Variants in FAM13A observed in about 807,000 individuals in gnomAD.
FAM13A encodes protein FAM13A.
Under a neutral mutation model 129.6 loss-of-function variants are expected in FAM13A, and 76 were observed. The observed-to-expected ratio is 0.59, with a 90% CI of 0.49 to 0.71. The LOEUF (loss-of-function observed/expected upper bound fraction) is 0.71, where lower values mean the gene tolerates loss of function less well. Among genes scored for constraint, FAM13A ranks in the 30% least tolerant of loss-of-function variants. The pLI, the probability that FAM13A is intolerant of heterozygous loss-of-function variation, is 0.00. For synonymous variants in FAM13A, 443 were observed against 449.9 expected (o/e 0.98, Z 0.20); for missense variants, 1,108 against 1,249.3 (o/e 0.89, Z 1.70).
chr4:88,773,030 G>C (rs909703783), intron 11 of FAM13A, among the ~76,000 whole-genome samples: 1 of 152,208 alleles, frequency 6.6e-6, no homozygotes, highest in African/African-American at 2.4e-5. Flanking sequence ...TTATGCAAAG[G>C]AGGCAGTGGG....
At chr4:88,946,014 ATATATATATG>A (rs1303497289) in intron 4 of FAM13A, among the ~76,000 whole-genome samples, 2 of 126,546 alleles carry the variant, frequency 1.6e-5, no homozygotes, top group Admixed American at 8.2e-5. Flanking sequence ...ATATATATAT[ATATATATATG>A]TAATCCAAAT....
At chr4:88,793,465 A>G (rs997756571) in intron 8 of FAM13A, among the ~76,000 whole-genome samples, 4 of 151,988 alleles carry the variant, frequency 2.6e-5, no homozygotes, top group African/African-American at 9.7e-5. Flanking sequence ...AGTCCTTTGG[A>G]ATTTCTGGTA....
At chr4:88,741,808 C>G (rs1740323359) in intron 19 of FAM13A, among the ~76,000 whole-genome samples, 1 of 152,134 alleles carries the variant, frequency 6.6e-6, no homozygotes, top group South Asian at 2.1e-4. Flanking sequence ...AATCCAAAAT[C>G]TGAAACACTT....
intron 5 of FAM13A, among the ~76,000 whole-genome samples, chr4:88,915,144 G>A (rs536570157): frequency 6.6e-6 from 1 of 152,262 alleles, no homozygotes; most frequent in South Asian, 2.1e-4. Context: ...GTGCTACTTT[G>A]CACATAACCA....
At chr4:89,039,684 G>A (rs551631353) in intron 1 of FAM13A, among the ~76,000 whole-genome samples, 1 of 152,206 alleles carries the variant, frequency 6.6e-6, no homozygotes, top group South Asian at 2.1e-4. Context: ...ATCACTTGAG[G>A]CAAGGAGTTT....
chr4:89,042,945 A>C (rs1419559847), intron 1 of FAM13A, among the ~76,000 whole-genome samples: 10 of 152,350 alleles, frequency 6.6e-5, no homozygotes, highest in African/African-American at 2.2e-4. Context: ...AATCCAATAA[A>C]AATGTTGTGT....
At chr4:88,987,414 C>CATTG in intron 4 of FAM13A, among the ~76,000 whole-genome samples, 1 of 152,174 alleles carries the variant, frequency 6.6e-6, no homozygotes, top group East Asian at 1.9e-4. Context: ...ATGCCACAGC[C>CATTG]TTACAATACA....
chr4:89,009,775 C>A (rs1424167955), intron 3 of FAM13A, among the ~76,000 whole-genome samples: 1 of 152,084 alleles, frequency 6.6e-6, no homozygotes, highest in Admixed American at 6.5e-5. Flanking sequence ...GTTGACAAAC[C>A]AGTCCAGGGA....
chr4:88,868,346 C>T (rs889782727), intron 6 of FAM13A, among the ~76,000 whole-genome samples: 1 of 152,188 alleles, frequency 6.6e-6, no homozygotes, highest in African/African-American at 2.4e-5. Flanking sequence ...ACGAACCATC[C>T]ACCCACTTGG....
At chr4:88,879,776 C>A (rs994692844) in intron 6 of FAM13A, among the ~76,000 whole-genome samples, 1 of 152,192 alleles carries the variant, frequency 6.6e-6, no homozygotes, top group African/African-American at 2.4e-5. Context: ...GCTGCTCTGT[C>A]AGGCCAGGTG....
At chr4:88,750,100 A>G (rs1040523759) in intron 15 of FAM13A, among the ~76,000 whole-genome samples, 191 bp from the exon 16 acceptor site, 4 of 152,172 alleles carry the variant, frequency 2.6e-5, no homozygotes, top group Non-Finnish European at 5.9e-5. Context: ...CCCACCTATT[A>G]AGTACATCTA....
chr4:88,755,111 A>G (rs1429527433), intron 14 of FAM13A, among the ~76,000 whole-genome samples: 1 of 152,170 alleles, frequency 6.6e-6, no homozygotes, highest in Non-Finnish European at 1.5e-5. Context: ...AGTATTAATA[A>G]TATCAAAGAA....
At chr4:89,044,828 C>T (rs1458048941) in intron 1 of FAM13A, among the ~76,000 whole-genome samples, 1 of 151,800 alleles carries the variant, frequency 6.6e-6, no homozygotes, top group East Asian at 1.9e-4. Context: ...CACAAAAAGA[C>T]AAAAATTGTC....
chr4:88,834,575 TAAG>T (rs1734492365), intron 7 of FAM13A, among the ~76,000 whole-genome samples: 1 of 152,090 alleles, frequency 6.6e-6, no homozygotes, highest in East Asian at 1.9e-4. Flanking sequence ...ATAAAAATAC[TAAG>T]TAGAAAAAAA....
At chr4:88,936,175 C>T (rs1753817892) in intron 5 of FAM13A, 1 of 152,212 alleles carries the variant, frequency 6.6e-6, no homozygotes, top group African/African-American at 2.4e-5. Flanking sequence ...GATTTCCAAG[C>T]AGGGCACTCT....
At chr4:88,909,552 T>C (rs749470047) in intron 5 of FAM13A, among the ~76,000 whole-genome samples, 12 of 151,942 alleles carry the variant, frequency 7.9e-5, no homozygotes, top group Non-Finnish European at 1.5e-4. Context: ...AGTGGCGTGA[T>C]CTTGGCTCAC....
intron 6 of FAM13A, among the ~76,000 whole-genome samples, chr4:88,900,017 T>C (rs1747025495): frequency 6.6e-6 from 1 of 151,706 alleles, no homozygotes; most frequent in Non-Finnish European, 1.5e-5. Context: ...ATAGACCAAG[T>C]GGAGGAAAGA....
intron 4 of FAM13A, among the ~76,000 whole-genome samples, chr4:88,953,959 C>T (rs965569107): frequency 4.6e-5 from 7 of 152,012 alleles, no homozygotes; most frequent in Non-Finnish European, 1.0e-4. Flanking sequence ...CAAGAAACAA[C>T]AGAATAAGAA....
At chr4:88,784,213 G>T (rs1224893022) in intron 10 of FAM13A, among the ~76,000 whole-genome samples, 1 of 152,092 alleles carries the variant, frequency 6.6e-6, no homozygotes, top group Non-Finnish European at 1.5e-5. Context: ...ACTTCACTTT[G>T]TTGAACTCTA....
Sources: allele counts gnomAD v4.1 joint callset (sites outside exome capture counted in the v4.1 genomes callset), GRCh38; gene constraint gnomAD v4.1.1; transcripts MANE v1.5; gene names NCBI Gene and HGNC (gene_info 2026-07-23, HGNC 2026-07-21).